TIMD4: variants seen among roughly 807,000 people sequenced by gnomAD.
TIMD4 encodes the protein T-cell immunoglobulin and mucin domain-containing protein 4.
In TIMD4, 31 loss-of-function variants were observed where a neutral mutation model predicts 41.2. That is an observed-to-expected ratio of 0.75 (90% CI 0.57 to 1.01). The LOEUF (loss-of-function observed/expected upper bound fraction) is 1.01. Ranked by LOEUF, TIMD4 falls within the 50% of genes least tolerant of loss-of-function variation. The probability of loss-of-function intolerance (pLI) is 0.00; values close to 1 mark genes in which losing one functional copy is unlikely to be tolerated. For synonymous variants in TIMD4, 204 were observed against 177.1 expected, an observed-to-expected ratio of 1.15 and a Z score of -1.21; for missense variants, 479 against 472.5, an observed-to-expected ratio of 1.01 and a Z score of -0.13.
intron 1 of TIMD4, among the ~76,000 whole-genome samples, chr5:156,957,851 A>G (rs928391672): frequency 6.6e-6 from 1 of 152,190 alleles, no homozygotes; most frequent in Non-Finnish European, 1.5e-5. Flanking sequence ...AAAAGAAAAA[A>G]TAGATGATCT....
chr5:156,944,470 C>T (rs1759701146), intron 5 of TIMD4, among the ~76,000 whole-genome samples: 1 of 149,104 alleles, frequency 6.7e-6, no homozygotes, highest in African/African-American at 2.5e-5. Flanking sequence ...TGACTCCTAG[C>T]TCTCCCGCTG....
chr5:156,953,376 C>A (rs1022035052), intron 2 of TIMD4, among the ~76,000 whole-genome samples: 1 of 151,972 alleles, frequency 6.6e-6, no homozygotes, highest in Admixed American at 6.6e-5. Flanking sequence ...AGAATATAGG[C>A]CGGGTGTGGT....
chr5:156,923,442 C>A (rs921379716), intron 6 of TIMD4, among the ~76,000 whole-genome samples: 7 of 143,866 alleles, frequency 4.9e-5, no homozygotes, highest in Non-Finnish European at 6.2e-5. Context: ...AGCCACTGCA[C>A]CCGGCCTAAA....
chr5:156,944,457 G>A (rs537954212), intron 5 of TIMD4, among the ~76,000 whole-genome samples: 112 of 149,604 alleles, frequency 7.5e-4, no homozygotes, highest in Non-Finnish European at 1.3e-3. Context: ...TAAAAGCTGG[G>A]TATGACTCCT....
chr5:156,962,747 C>T (rs1161629433), intron 1 of TIMD4, among the ~76,000 whole-genome samples: 3 of 152,164 alleles, frequency 2.0e-5, no homozygotes, highest in Non-Finnish European at 4.4e-5. Context: ...AAAAAGCAAA[C>T]ACTTCTAAAA....
intron 1 of TIMD4, 122 bp downstream of exon 1, chr5:156,963,019 G>T: frequency 1.1e-6 from 1 of 931,570 alleles, no homozygotes; most frequent in East Asian, 2.5e-5. Context: ...GTAGGGAGAG[G>T]GGAGGGATGC....
chr5:156,950,507 A>G (rs1260352763), intron 3 of TIMD4, among the ~76,000 whole-genome samples: 1 of 152,166 alleles, frequency 6.6e-6, no homozygotes, highest in Non-Finnish European at 1.5e-5. Context: ...AGCTATTGGA[A>G]TTTTCCAAGA....
intron 6 of TIMD4, among the ~76,000 whole-genome samples, chr5:156,923,143 A>ATTTTT (rs375276732): frequency 7.4e-6 from 1 of 135,040 alleles, no homozygotes; most frequent in Non-Finnish European, 1.6e-5. Context: ...CTGGGATTAA[A>ATTTTT]TTTTTTTTTT....
intron 3 of TIMD4, among the ~76,000 whole-genome samples, chr5:156,950,415 A>G (rs1298942440): frequency 6.6e-6 from 1 of 152,254 alleles, no homozygotes; most frequent in Non-Finnish European, 1.5e-5. Flanking sequence ...AAAAAAATAC[A>G]TACAAGAATT....
chr5:156,927,559 T>C (rs1389604763), intron 5 of TIMD4, among the ~76,000 whole-genome samples: 1 of 152,130 alleles, frequency 6.6e-6, no homozygotes, highest in Non-Finnish European at 1.5e-5. Flanking sequence ...CATGATATGG[T>C]CCAGTTAGGA....
intron 1 of TIMD4, among the ~76,000 whole-genome samples, chr5:156,958,900 C>G (rs1261434157): frequency 6.6e-6 from 1 of 152,090 alleles, no homozygotes; most frequent in Non-Finnish European, 1.5e-5. Flanking sequence ...AGACTCCAAG[C>G]CATTTAATGA....
intron 6 of TIMD4, chr5:156,924,426 C>A: frequency 2.1e-6 from 1 of 472,296 alleles, no homozygotes; most frequent in Non-Finnish European, 4.3e-6. Context: ...TGAATATCTC[C>A]AAAATGCACC....
At chr5:156,932,232 G>C (rs1759455907) in intron 5 of TIMD4, among the ~76,000 whole-genome samples, 1 of 152,220 alleles carries the variant, frequency 6.6e-6, no homozygotes, top group South Asian at 2.1e-4. Context: ...TCTCAAATGT[G>C]ACTTTTCAAT....
intron 6 of TIMD4, among the ~76,000 whole-genome samples, chr5:156,923,057 CTTTT>C (rs951850584): frequency 6.9e-6 from 1 of 145,100 alleles, no homozygotes; most frequent in Non-Finnish European, 1.5e-5. Context: ...AAAGTTTAAA[CTTTT>C]TTTTTTTAAT....
rs562486261 is a variant in TIMD4 at position 156,946,323 on chromosome 5, T to C, written c.844+2093A>G. ...CCATTTCCCTTAAATTATCAACTCC[T>C]AATCCAGATTTTCTGTTTTCCCACT... On this transcript the variant is annotated intron_variant, in intron 5 of 8. Transcript: ENST00000274532. Among the ~76,000 whole-genome samples, 3 of 152,306 alleles carry C rather than the reference T, an allele frequency of 2.0e-5. No individual in the cohort carries two copies. The East Asian group carries it at 5.8e-4, about 29-fold the overall frequency.
intron 5 of TIMD4, among the ~76,000 whole-genome samples, chr5:156,943,910 A>T (rs1759690369): frequency 6.6e-6 from 1 of 151,080 alleles, no homozygotes; most frequent in South Asian, 2.1e-4. Context: ...AAAAAAAAAA[A>T]TTAGCCAGGT....
intron 3 of TIMD4, among the ~76,000 whole-genome samples, chr5:156,951,146 T>C (rs1176532760): frequency 4.6e-5 from 7 of 151,898 alleles, no homozygotes; most frequent in Non-Finnish European, 1.0e-4. Flanking sequence ...AAAGAGATAG[T>C]TAAGGTAAAA....
chr5:156,937,093 T>C (rs1300365246), intron 5 of TIMD4, among the ~76,000 whole-genome samples: 4 of 152,156 alleles, frequency 2.6e-5, no homozygotes, highest in Non-Finnish European at 4.4e-5. Flanking sequence ...ACATACATTA[T>C]CTCATTGGAG....
chr5:156,922,358 C>G, intron 6 of TIMD4, 142 bp from the exon 7 acceptor site: 1 of 759,586 alleles, frequency 1.3e-6, no homozygotes, highest in Non-Finnish European at 2.2e-6. Context: ...CTCTGAAAAC[C>G]CAAAACACGT....
Sources: gnomAD v4.1 joint callset for allele counts (sites outside exome capture counted in the v4.1 genomes callset) on GRCh38, gnomAD v4.1.1 for gene constraint, MANE v1.5 for transcripts, NCBI Gene and HGNC (gene_info 2026-07-23, HGNC 2026-07-21) for gene names.